The following HMGN5 variants were observed in gnomAD, a reference collection of about 807,000 sequenced individuals.
HMGN5 encodes high mobility group nucleosome-binding domain-containing protein 5.
Under a neutral mutation model 9.5 loss-of-function variants are expected in HMGN5, and 4 were observed. That is an observed-to-expected ratio of 0.42 (90% confidence interval 0.21 to 0.96). The LOEUF (loss-of-function observed/expected upper bound fraction) is 0.96. HMGN5 is among the 40% of genes least tolerant of loss of function. The pLI, the probability that HMGN5 is intolerant of heterozygous loss-of-function variation, is 0.30. For synonymous variants in HMGN5, 55 were observed against 57.1 expected, an observed-to-expected ratio of 0.96 and a Z score of 0.16; for missense variants, 192 against 187.5, an observed-to-expected ratio of 1.02 and a Z score of -0.14.
chrX:81,167,525 T>C (rs765262049), intron 1 of HMGN5, among the ~76,000 whole-genome samples: 9 of 111,637 alleles, frequency 8.1e-5, no homozygotes, highest in African/African-American at 2.9e-4. Flanking sequence ...ATAATTACTT[T>C]TCTAAATGCC....
At chrX:81,144,605 C>A (rs1206003066) in intron 1 of HMGN5, among the ~76,000 whole-genome samples, 1 of 111,532 alleles carries the variant, frequency 9.0e-6, no homozygotes, top group Non-Finnish European at 1.9e-5. Flanking sequence ...TCCAAAGGCA[C>A]AACGTTTTGC....
At chrX:81,129,165 A>G (rs1320192634) in intron 1 of HMGN5, among the ~76,000 whole-genome samples, 1 of 111,297 alleles carries the variant, frequency 9.0e-6, no homozygotes, top group Non-Finnish European at 1.9e-5. Context: ...AGAAAATAGG[A>G]ATAGTGGAAG....
intron 1 of HMGN5, among the ~76,000 whole-genome samples, chrX:81,146,839 A>G (rs777969326): frequency 3.6e-5 from 4 of 112,186 alleles, no homozygotes; most frequent in South Asian, 3.7e-4. Flanking sequence ...CCACAGAAAT[A>G]CAAGCTAACA....
intron 1 of HMGN5, among the ~76,000 whole-genome samples, chrX:81,191,323 A>G (rs1289380883): frequency 8.9e-6 from 1 of 111,747 alleles, no homozygotes; most frequent in Non-Finnish European, 1.9e-5. Flanking sequence ...TAGAAGAGGT[A>G]ATAGCAGGTA....
At chrX:81,186,091 C>A (rs781084438) in intron 1 of HMGN5, among the ~76,000 whole-genome samples, 1 of 111,077 alleles carries the variant, frequency 9.0e-6, no homozygotes, top group Non-Finnish European at 1.9e-5. Flanking sequence ...TTTGATGTGT[C>A]TTTGTTTTTT....
At chrX:81,173,456 A>T (rs953425757) in intron 1 of HMGN5, among the ~76,000 whole-genome samples, 4 of 110,776 alleles carry the variant, frequency 3.6e-5, no homozygotes, top group African/African-American at 9.8e-5. Flanking sequence ...TAGAAATGGG[A>T]CTTCTGAATA....
At chrX:81,166,171 C>T (rs938111458) in intron 1 of HMGN5, among the ~76,000 whole-genome samples, 1 of 110,740 alleles carries the variant, frequency 9.0e-6, no homozygotes, top group African/African-American at 3.3e-5. Flanking sequence ...CAAAATTGCC[C>T]CCAGTTAATA....
At chrX:81,132,306 C>T (rs1343998666) in intron 1 of HMGN5, among the ~76,000 whole-genome samples, 1 of 111,571 alleles carries the variant, frequency 9.0e-6, no homozygotes, top group Non-Finnish European at 1.9e-5. Flanking sequence ...TTTGTAGATT[C>T]AATGCTATTC....
intron 1 of HMGN5, among the ~76,000 whole-genome samples, chrX:81,154,940 A>G (rs973776644): frequency 9.2e-6 from 1 of 108,257 alleles, no homozygotes; most frequent in African/African-American, 3.4e-5. Flanking sequence ...AATTAGTACA[A>G]CCACTGTAGG....
chrX:81,127,639 TA>T (rs1235684737), intron 1 of HMGN5, among the ~76,000 whole-genome samples: 2 of 111,549 alleles, frequency 1.8e-5, no homozygotes, highest in East Asian at 5.6e-4. Flanking sequence ...ACAAGCTTCA[TA>T]TAACCTACGA....
chrX:81,129,853 TAG>T (rs1242458662), intron 1 of HMGN5, among the ~76,000 whole-genome samples: 1 of 110,967 alleles, frequency 9.0e-6, no homozygotes, highest in Non-Finnish European at 1.9e-5. Context: ...ATTAGCAAAG[TAG>T]AGACTAGAAA....
At chrX:81,116,461 A>G in intron 5 of HMGN5, 120 bp from the exon 6 acceptor site, 1 of 447,924 alleles carries the variant, frequency 2.2e-6, no homozygotes, top group Admixed American at 4.7e-5. Context: ...AAAGTATCAC[A>G]TATAAATCTG....
At chrX:81,121,155 C>T (rs754748957) in intron 2 of HMGN5, among the ~76,000 whole-genome samples, 5 of 109,913 alleles carry the variant, frequency 4.5e-5, no homozygotes, top group Non-Finnish European at 9.5e-5. Context: ...GACGGTTCCC[C>T]GAGAAAAGCC....
chrX:81,172,898 A>T (rs2075430533), intron 1 of HMGN5, among the ~76,000 whole-genome samples: 1 of 111,271 alleles, frequency 9.0e-6, no homozygotes, highest in Non-Finnish European at 1.9e-5. Context: ...ATGAAAAAGA[A>T]TGTTCAGCAA....
intron 1 of HMGN5, among the ~76,000 whole-genome samples, chrX:81,151,283 C>G (rs909917144): frequency 9.0e-6 from 1 of 111,594 alleles, no homozygotes; most frequent in African/African-American, 3.3e-5. Flanking sequence ...TTTCTGAGGG[C>G]TCTGTTCTGT....
At chrX:81,194,874 CT>C (rs1354056968) in intron 1 of HMGN5, among the ~76,000 whole-genome samples, 1 of 111,933 alleles carries the variant, frequency 8.9e-6, no homozygotes, top group African/African-American at 3.2e-5. Context: ...TCAGCTTAAT[CT>C]CAGAAAATAA....
At chrX:81,153,579 CTCTCT>C (rs2075372657) in intron 1 of HMGN5, among the ~76,000 whole-genome samples, 1 of 10,584 alleles carries the variant, frequency 9.4e-5, no homozygotes. Context: ...CTCTCTCTCT[CTCTCT>C]ATATATATAT....
chrX:81,201,554 C>T (rs1444644624), intron 1 of HMGN5, among the ~76,000 whole-genome samples, 183 bp downstream of exon 1: 3 of 111,888 alleles, frequency 2.7e-5, no homozygotes, highest in African/African-American at 9.7e-5. Flanking sequence ...ACACAAAATT[C>T]AAAAAGAAAA....
intron 1 of HMGN5, among the ~76,000 whole-genome samples, chrX:81,142,482 A>G (rs2075332454): frequency 8.9e-6 from 1 of 111,886 alleles, no homozygotes; most frequent in African/African-American, 3.2e-5. Flanking sequence ...AAATAAACAG[A>G]TAACATATTT....
Sources: allele counts gnomAD v4.1 joint callset (sites outside exome capture counted in the v4.1 genomes callset), GRCh38; gene constraint gnomAD v4.1.1; transcripts MANE v1.5; gene names NCBI Gene and HGNC (gene_info 2026-07-23, HGNC 2026-07-21).